Variants in CUX1 observed in about 807,000 individuals in gnomAD.
CUX1 encodes the protein cut like homeobox 1.
A neutral mutation model predicts 158.8 loss-of-function variants in CUX1; 31 were observed. The ratio of observed to expected loss-of-function variants is 0.20; its 90% confidence interval spans 0.15 to 0.26. The LOEUF is 0.26. Among genes scored for constraint, CUX1 ranks in the 10% least tolerant of loss-of-function variants. The pLI is 1.00. For synonymous variants in CUX1, 879 were observed against 862.1 expected (o/e 1.02, Z -0.34); for missense variants, 1,589 against 2,014.6 (o/e 0.79, Z 4.04).
At chr7:101,827,244 C>CCTTCCCTTCTCTTCTCTTCTCTTCT (rs1554381484) in intron 1 of CUX1, among the ~76,000 whole-genome samples, 2 of 129,676 alleles carry the variant, frequency 1.5e-5, no homozygotes, top group African/African-American at 3.0e-5. Flanking sequence ...CCCCTCCCCT[C>CCTTCCCTTCTCTTCTCTTCTCTTCT]CTTCTCTTCT....
intron 1 of CUX1, among the ~76,000 whole-genome samples, chr7:101,907,538 A>G (rs934252507): frequency 2.0e-5 from 3 of 151,954 alleles, no homozygotes; most frequent in African/African-American, 7.2e-5. Context: ...TAGTAGAGAC[A>G]GGGTTTCACC....
chr7:102,160,731 G>C (rs1016061493), intron 9 of CUX1, among the ~76,000 whole-genome samples: 2 of 152,166 alleles, frequency 1.3e-5, no homozygotes, highest in Non-Finnish European at 1.5e-5. Flanking sequence ...GAAGTATCTA[G>C]AGGAGCCAAC....
intron 1 of CUX1, among the ~76,000 whole-genome samples, chr7:101,857,062 C>A (rs1796924993): frequency 6.6e-6 from 1 of 152,242 alleles, no homozygotes; most frequent in South Asian, 2.1e-4. Flanking sequence ...TTCAGATCCT[C>A]TCCAGCAGGT....
At chr7:102,151,284 G>A (rs915349623) in intron 8 of CUX1, among the ~76,000 whole-genome samples, 1 of 152,132 alleles carries the variant, frequency 6.6e-6, no homozygotes, top group African/African-American at 2.4e-5. Context: ...TGGGCGCGTC[G>A]GTTCACGCCT....
At chr7:101,971,428 A>C (rs1811939539) in intron 2 of CUX1, among the ~76,000 whole-genome samples, 1 of 152,206 alleles carries the variant, frequency 6.6e-6, no homozygotes, top group Non-Finnish European at 1.5e-5. Flanking sequence ...CAGGAGGATC[A>C]CTGGAGCCCA....
intron 3 of CUX1, among the ~76,000 whole-genome samples, chr7:102,030,292 G>A (rs1417568327): frequency 2.0e-5 from 3 of 152,034 alleles, no homozygotes; most frequent in African/African-American, 4.8e-5. Flanking sequence ...GATTACAGGC[G>A]TGAGCCACTG....
At position 102,234,301 on chromosome 7, in the gene CUX1, T is replaced by C. The variant is rs962136456; in HGVS notation, c.3622+61T>C. The C allele has an allele frequency of 1.5e-5, 21 of 1,390,282 alleles. No homozygotes were observed. In the South Asian group the frequency reaches 3.5e-4, roughly 23 times the overall value. 86.1% of individuals were successfully genotyped at this position (1,390,282 alleles called of 1,614,324 possible). On this transcript the variant is annotated intron_variant, in intron 22 of 23. Coordinates refer to ENST00000292535, the MANE Select transcript of CUX1 (RefSeq NM_181552.4). ...CGCATTCATAGACAGGCTGTTTCTT[T>C]CAAATCTTTCACACACAGCTGATGA...
intron 2 of CUX1, among the ~76,000 whole-genome samples, chr7:101,938,937 A>G (rs1807285019): frequency 6.6e-6 from 1 of 150,966 alleles, no homozygotes; most frequent in African/African-American, 2.4e-5. Flanking sequence ...GCTACTTGGG[A>G]GGCTGAGGCA....
intron 1 of CUX1, chr7:101,818,812 C>T (rs1169618694): frequency 1.3e-5 from 2 of 152,140 alleles, no homozygotes; most frequent in Non-Finnish European, 2.9e-5. Context: ...TAATTCCCAC[C>T]GATAGTCAGT....
At chr7:102,213,581 C>T (rs1165482414) in intron 20 of CUX1, among the ~76,000 whole-genome samples, 1 of 152,214 alleles carries the variant, frequency 6.6e-6, no homozygotes, top group Non-Finnish European at 1.5e-5. Context: ...AGACACATCC[C>T]GTTCTCTCCC....
Position 102,256,979 on chromosome 7 carries a change from G to C in CUX1, c.*7937G>C, listed in dbSNP as rs916048604. ...GCTCACCTAGGAGATCATAGGCAGA[G>C]GGCCCCTTTCCCCTATAGGTGGTTC... On this transcript the variant is annotated 3_prime_UTR_variant, in exon 24 of 24. Transcript: ENST00000292535. The C allele has an allele frequency of 1.0e-6, 1 of 985,346 alleles. No homozygotes were observed. The highest frequency in any genetic ancestry group is 1.7e-5 in the African/African-American group (1 of 57,242). The allele number at this position is 985,346 out of a possible 1,614,324, so 61.0% of individuals were successfully genotyped here. A position where few individuals can be genotyped will look rare whatever the true frequency, so the allele number is the denominator to read the frequency against.
At chr7:102,268,459 C>A (rs1234995759) in intron 14 of CUX1, among the ~76,000 whole-genome samples, 1 of 152,122 alleles carries the variant, frequency 6.6e-6, no homozygotes, top group African/African-American at 2.4e-5. Context: ...CATCCTCCTG[C>A]TGTCTCCCCT....
chr7:102,136,549 C>G (rs555125882), intron 8 of CUX1, among the ~76,000 whole-genome samples: 3 of 152,254 alleles, frequency 2.0e-5, no homozygotes, highest in South Asian at 2.1e-4. Flanking sequence ...CGCCACCACA[C>G]CCAGCTAATT....
At chr7:102,166,742 G>A (rs973347784) in intron 9 of CUX1, among the ~76,000 whole-genome samples, 6 of 152,044 alleles carry the variant, frequency 3.9e-5, no homozygotes, top group Admixed American at 6.5e-5. Flanking sequence ...CTCCTGTTTC[G>A]TGGATCTCAC....
At chr7:102,237,319 C>G (rs1586381325) in intron 22 of CUX1, among the ~76,000 whole-genome samples, 1 of 151,978 alleles carries the variant, frequency 6.6e-6, no homozygotes. Context: ...CCTCGGTGTT[C>G]TGGGCTCAAG....
chr7:102,077,268 G>A (rs1307728992), intron 4 of CUX1, among the ~76,000 whole-genome samples: 1 of 151,892 alleles, frequency 6.6e-6, no homozygotes, highest in African/African-American at 2.4e-5. Flanking sequence ...GGACAGGAAG[G>A]AGACCAGCAG....
At chr7:102,280,749 G>A in intron 19 of CUX1, 1 of 1,570,546 alleles carries the variant, frequency 6.4e-7, no homozygotes, top group Non-Finnish European at 8.7e-7. Context: ...TCTGCCACAA[G>A]CCAGGGCCTG....
At chr7:102,148,432 G>A (rs964906916) in intron 8 of CUX1, among the ~76,000 whole-genome samples, 3 of 151,990 alleles carry the variant, frequency 2.0e-5, no homozygotes, top group Non-Finnish European at 4.4e-5. Flanking sequence ...CCAGCTACTA[G>A]GGAGGCTGGG....
chr7:102,079,030 T>G (rs1827079216), intron 4 of CUX1, among the ~76,000 whole-genome samples: 1 of 152,234 alleles, frequency 6.6e-6, no homozygotes, highest in Admixed American at 6.5e-5. Flanking sequence ...TGCCTGCTAC[T>G]TTCAAGTGAG....
Sources: allele counts gnomAD v4.1 joint callset (sites outside exome capture counted in the v4.1 genomes callset), GRCh38; gene constraint gnomAD v4.1.1; transcripts MANE v1.5; gene names NCBI Gene and HGNC (gene_info 2026-07-23, HGNC 2026-07-21).